The following CDH10 variants were observed in gnomAD, a reference collection of about 807,000 sequenced individuals.
CDH10 encodes cadherin-10.
In CDH10, 30 loss-of-function variants were observed where a neutral mutation model predicts 73.1. That is an observed-to-expected ratio of 0.41 (90% confidence interval 0.31 to 0.56). The LOEUF (loss-of-function observed/expected upper bound fraction) is 0.56. Among genes scored for constraint, CDH10 ranks in the 20% least tolerant of loss-of-function variants. CDH10 has a pLI of 0.27. For synonymous variants in CDH10, 345 were observed against 348.2 expected, an observed-to-expected ratio of 0.99 and a Z score of 0.10; for missense variants, 815 against 973.7, an observed-to-expected ratio of 0.84 and a Z score of 2.17.
chr5:24,566,407 T>C (rs1045832461), intron 2 of CDH10, among the ~76,000 whole-genome samples: 6 of 152,164 alleles, frequency 3.9e-5, no homozygotes, highest in African/African-American at 1.4e-4. Flanking sequence ...ATGCAAAAGA[T>C]ATAGAATTAT....
At chr5:24,610,202 T>C (rs1050581230) in intron 1 of CDH10, among the ~76,000 whole-genome samples, 13 of 152,152 alleles carry the variant, frequency 8.5e-5, no homozygotes, top group African/African-American at 3.1e-4. Context: ...CAATGTACCT[T>C]CACAAATGCT....
chr5:24,534,787 T>A (rs1473198601), intron 5 of CDH10, among the ~76,000 whole-genome samples: 3 of 152,122 alleles, frequency 2.0e-5, no homozygotes, highest in African/African-American at 7.2e-5. Context: ...TATGACTTTG[T>A]TTTCTAATAA....
At chr5:24,501,434 T>TATA (rs553529312) in intron 8 of CDH10, among the ~76,000 whole-genome samples, 63 of 152,316 alleles carry the variant, frequency 4.1e-4, no homozygotes, top group Non-Finnish European at 7.9e-4. Context: ...GTCGCTTATG[T>TATA]ATAAATAAGA....
At chr5:24,557,531 T>C (rs571958258) in intron 2 of CDH10, among the ~76,000 whole-genome samples, 1 of 151,890 alleles carries the variant, frequency 6.6e-6, no homozygotes, top group East Asian at 1.9e-4. Context: ...ACAATAAAGA[T>C]AACACCATTA....
chr5:24,496,472 T>C (rs1258824716), intron 9 of CDH10, among the ~76,000 whole-genome samples: 1 of 152,068 alleles, frequency 6.6e-6, no homozygotes, highest in Non-Finnish European at 1.5e-5. Flanking sequence ...ACTACTAATA[T>C]TACATCAGTT....
intron 7 of CDH10, among the ~76,000 whole-genome samples, chr5:24,508,662 G>C (rs1742785191): frequency 6.8e-6 from 1 of 147,850 alleles, no homozygotes; most frequent in Non-Finnish European, 1.5e-5. Context: ...GGGACTATAA[G>C]TGTGCACCAC....
At chr5:24,616,953 G>A (rs1028364968) in intron 1 of CDH10, among the ~76,000 whole-genome samples, 1 of 152,064 alleles carries the variant, frequency 6.6e-6, no homozygotes, top group Non-Finnish European at 1.5e-5. Context: ...ATCTCTCATT[G>A]TTATAATTCC....
chr5:24,632,133 A>G (rs1747722546), intron 1 of CDH10, among the ~76,000 whole-genome samples: 1 of 152,170 alleles, frequency 6.6e-6, no homozygotes, highest in East Asian at 1.9e-4. Context: ...GGAAGTAGAT[A>G]TTTCTAGCTA....
At chr5:24,644,338 C>CATGACCCACTGTTGAGCATAATATATA (rs1748146693) in intron 1 of CDH10, among the ~76,000 whole-genome samples, 1 of 152,160 alleles carries the variant, frequency 6.6e-6, no homozygotes, top group African/African-American at 2.4e-5. Context: ...ACTCTAATAT[C>CATGACCCACTGTTGAGCATAATATATA]ATGACCCACT....
chr5:24,498,293 T>TATAATTGGGATA (rs1276620640), intron 9 of CDH10, 105 bp downstream of exon 9: 1 of 659,142 alleles, frequency 1.5e-6, no homozygotes, highest in African/African-American at 1.8e-5. Flanking sequence ...GGACTCTATA[T>TATAATTGGGATA]GAGTATTTCC....
chr5:24,629,069 C>A (rs1747612524), intron 1 of CDH10, among the ~76,000 whole-genome samples: 1 of 152,040 alleles, frequency 6.6e-6, no homozygotes, highest in African/African-American at 2.4e-5. Context: ...AGGCAAAGTT[C>A]TGTAGAGAAT....
intron 9 of CDH10, among the ~76,000 whole-genome samples, chr5:24,497,658 G>T (rs1379059585): frequency 6.6e-6 from 1 of 152,064 alleles, no homozygotes; most frequent in Non-Finnish European, 1.5e-5. Context: ...TTTCGTGATG[G>T]TTCCTTTTTT....
At chr5:24,595,785 T>G (rs1746351837) in intron 1 of CDH10, among the ~76,000 whole-genome samples, 1 of 151,952 alleles carries the variant, frequency 6.6e-6, no homozygotes, top group African/African-American at 2.4e-5. Context: ...AGCAATTCTA[T>G]GATGCATTGG....
At chr5:24,585,714 G>A (rs1365114305) in intron 2 of CDH10, among the ~76,000 whole-genome samples, 1 of 152,088 alleles carries the variant, frequency 6.6e-6, no homozygotes, top group African/African-American at 2.4e-5. Flanking sequence ...ATGAGCCACC[G>A]CTCCCAGCCC....
rs1561115772 is a variant in CDH10, at chr5:24,487,843, G to A, written c.2187C>T (p.Pro729=). Residue 729 remains proline, a synonymous_variant, in exon 12 of 12, where the codon CCC becomes CCT. Transcript: ENST00000264463. ...AGGCATAGGTTGCAAGTGAGTCGTA[G>A]GGGGGTGCGGTGGGGTCAAGATCAT... ...KEHDLDPTAP[P]YDSLATYAYE... The A allele has an allele frequency of 8.7e-6, 14 of 1,613,784 alleles. No individual in the cohort carries two copies. The highest frequency in any genetic ancestry group is 1.2e-5 in the Non-Finnish European group (14 of 1,179,804).
intron 1 of CDH10, among the ~76,000 whole-genome samples, chr5:24,622,720 A>G (rs1054242986): frequency 2.0e-5 from 3 of 152,202 alleles, no homozygotes; most frequent in African/African-American, 4.8e-5. Context: ...GGCTCTCAAT[A>G]TTCAAGAGAC....
At chr5:24,607,602 T>G (rs1055970934) in intron 1 of CDH10, among the ~76,000 whole-genome samples, 13 of 152,180 alleles carry the variant, frequency 8.5e-5, no homozygotes, top group Non-Finnish European at 8.8e-5. Flanking sequence ...TGACTTAGAA[T>G]TTTAAGTATT....
intron 5 of CDH10, among the ~76,000 whole-genome samples, chr5:24,513,180 G>T (rs1243937893): frequency 6.6e-6 from 1 of 151,736 alleles, no homozygotes; most frequent in East Asian, 1.9e-4. Flanking sequence ...CACCACACCA[G>T]GCTAATTTTT....
At position 24,535,225 on chromosome 5, in the gene CDH10, T is replaced by C; in HGVS notation, c.701A>G (p.Gln234Arg). ...CATGTCTTTGGCCTGGATGACCACT[T>C]GGTATTGCTCTCTGTTTTCTCTGTT... is the stretch of plus-strand genomic sequence containing the variant. ...NMNRENREQYQVVIQAKDMGG... is the reference protein window; with the variant it reads ...NMNRENREQYRVVIQAKDMGG... The change falls in exon 5 of 12, where the codon CAA becomes CGA. Residue 234 changes from glutamine to arginine, a missense_variant. Physicochemically the swap from Gln to Arg is conservative, Grantham distance 43. Transcript: ENST00000264463. 1 of 1,613,548 alleles carries C rather than the reference T, an allele frequency of 6.2e-7. No individual in the cohort carries two copies. Among genetic ancestry groups the C allele is most frequent in the Non-Finnish European group, 8.5e-7 (1 of 1,179,662 alleles).
Sources: gnomAD v4.1 joint callset for allele counts (sites outside exome capture counted in the v4.1 genomes callset) on GRCh38, gnomAD v4.1.1 for gene constraint, MANE v1.5 for transcripts, NCBI Gene and HGNC (gene_info 2026-07-23, HGNC 2026-07-21) for gene names.